Variants in METTL9 observed in about 807,000 individuals in gnomAD.
METTL9 encodes protein-L-histidine N-pros-methyltransferase.
A neutral mutation model predicts 36.0 loss-of-function variants in METTL9; 10 were observed. That is an observed-to-expected ratio of 0.28 (90% CI 0.17 to 0.47). The LOEUF is 0.47. Among genes scored for constraint, METTL9 ranks in the 20% least tolerant of loss-of-function variants. The pLI is 0.99. For synonymous variants in METTL9, 175 were observed against 149.7 expected (o/e 1.17, Z -1.23); for missense variants, 246 against 383.5 (o/e 0.64, Z 3.00).
At chr16:21,650,773 G>C (rs1437262605) in intron 4 of METTL9, among the ~76,000 whole-genome samples, 1 of 152,078 alleles carries the variant, frequency 6.6e-6, no homozygotes, top group African/African-American at 2.4e-5. Context: ...AAAAAGAGAA[G>C]TTTGGATATG....
chr16:21,650,783 G>A (rs1376589355), intron 4 of METTL9, among the ~76,000 whole-genome samples: 2 of 152,146 alleles, frequency 1.3e-5, no homozygotes, highest in Non-Finnish European at 2.9e-5. Flanking sequence ...GTTTGGATAT[G>A]TCACACCACA....
Position 21,599,822 on chromosome 16 carries a change from G to A in METTL9, c.89G>A (p.Arg30His), listed in dbSNP as rs1385349102. ...TGGACGCTGCGGAGCCCGCTCACCC[G>A]CTCCCTGTACGTGAACATGACTAGC... is the stretch of plus-strand genomic sequence containing the variant. ...RMWTLRSPLT[R>H]SLYVNMTSGP... The change falls in exon 1 of 5, where the codon CGC (arginine) becomes CAC (histidine). Residue 30 changes from arginine (R) to histidine (H), a missense_variant. Arg to His is a conservative substitution (Grantham distance 29). Transcript: ENST00000358154. The surrounding 1 kb of genome is among the most constrained non-coding windows in gnomAD (Gnocchi z 4.4). The A allele has an allele frequency of 2.6e-6, 4 of 1,543,368 alleles. No homozygotes were observed. The highest frequency in any genetic ancestry group is 1.2e-5 in the South Asian group (1 of 83,928).
intron 1 of METTL9, among the ~76,000 whole-genome samples, chr16:21,605,753 G>A (rs1019190261): frequency 2.6e-5 from 4 of 152,152 alleles, no homozygotes; most frequent in African/African-American, 9.7e-5. Context: ...ATTCTTACAT[G>A]TATTGTCATT....
At chr16:21,607,285 G>A (rs1355758069) in intron 1 of METTL9, among the ~76,000 whole-genome samples, 1 of 152,164 alleles carries the variant, frequency 6.6e-6, no homozygotes, top group African/African-American at 2.4e-5. Context: ...ATGTTGGCCA[G>A]GCTGGTCTTG....
chr16:21,640,272 G>C (rs778857819), intron 4 of METTL9: 2 of 152,000 alleles, frequency 1.3e-5, no homozygotes, highest in East Asian at 1.9e-4. Context: ...AACATAGTAG[G>C]TTGTAAGGTT....
intron 3 of METTL9, among the ~76,000 whole-genome samples, chr16:21,622,471 C>T (rs1429947863): frequency 6.6e-6 from 1 of 152,018 alleles, no homozygotes; most frequent in Non-Finnish European, 1.5e-5. Flanking sequence ...TATTTTACAT[C>T]CTTCTGGAAG....
At chr16:21,652,248 A>C (rs1328765264) in intron 4 of METTL9, 1 of 272,428 alleles carries the variant, frequency 3.7e-6, no homozygotes, top group African/African-American at 2.2e-5. Flanking sequence ...TAAATTATTG[A>C]TAACTTATAC....
chr16:21,649,699 C>T (rs1299921776), intron 4 of METTL9, among the ~76,000 whole-genome samples: 4 of 151,954 alleles, frequency 2.6e-5, no homozygotes, highest in African/African-American at 9.7e-5. Context: ...TGGACGATTC[C>T]ATTATTTACA....
chr16:21,630,810 A>G (rs1443150356), intron 4 of METTL9, among the ~76,000 whole-genome samples: 5 of 152,220 alleles, frequency 3.3e-5, no homozygotes, highest in Admixed American at 6.5e-5. Flanking sequence ...GAGTAACAGC[A>G]AGATGGCTGC....
chr16:21,648,621 C>T (rs959344879), intron 4 of METTL9, among the ~76,000 whole-genome samples: 1 of 152,188 alleles, frequency 6.6e-6, no homozygotes, highest in Non-Finnish European at 1.5e-5. Flanking sequence ...CCTTTATATC[C>T]CAGGCATGTG....
At chr16:21,621,469 G>A (rs1223241265) in intron 3 of METTL9, among the ~76,000 whole-genome samples, 2 of 152,092 alleles carry the variant, frequency 1.3e-5, no homozygotes, top group East Asian at 3.9e-4. Context: ...GGGATTACAG[G>A]CGCATGCCGC....
At chr16:21,604,029 T>G (rs919605663) in intron 1 of METTL9, among the ~76,000 whole-genome samples, 2 of 151,752 alleles carry the variant, frequency 1.3e-5, no homozygotes, top group African/African-American at 4.8e-5. Flanking sequence ...AAGGACAGAG[T>G]GTTTCCTGTC....
chr16:21,620,489 C>T (rs1220737082), intron 3 of METTL9, among the ~76,000 whole-genome samples: 1 of 152,150 alleles, frequency 6.6e-6, no homozygotes, highest in Non-Finnish European at 1.5e-5. Context: ...AGGTGTTAAA[C>T]CCATCTTCAG....
chr16:21,640,013 A>C (rs887021130), intron 4 of METTL9: 2 of 152,060 alleles, frequency 1.3e-5, no homozygotes, highest in African/African-American at 4.8e-5. Context: ...ATCTCAGCTC[A>C]CTGCAACCTC....
upstream of METTL9, among the ~76,000 whole-genome samples, chr16:21,599,311 C>G (rs1004444595): frequency 6.6e-6 from 1 of 152,194 alleles, no homozygotes; most frequent in Non-Finnish European, 1.5e-5. The surrounding 1 kb of genome is among the most constrained non-coding windows in gnomAD (Gnocchi z 4.4). Context: ...CGGAAGTGAT[C>G]TCCTCAGCCC....
intron 2 of METTL9, among the ~76,000 whole-genome samples, chr16:21,613,063 C>T (rs1330566197): frequency 2.0e-5 from 3 of 149,738 alleles, no homozygotes; most frequent in Non-Finnish European, 4.4e-5. Context: ...GCGGGAGTTA[C>T]TTACGGTAGT....
intron 2 of METTL9, 77 bp from the exon 3 acceptor site, chr16:21,617,788 A>G (rs1434020585): frequency 1.1e-5 from 14 of 1,255,748 alleles, no homozygotes; most frequent in East Asian, 4.6e-5. Context: ...CTGAGTCACT[A>G]TATTCACTTT....
At chr16:21,598,028 T>C (rs1486653315), upstream of METTL9, 1 of 152,162 alleles carries the variant, frequency 6.6e-6, no homozygotes, top group Non-Finnish European at 1.5e-5. Flanking sequence ...TAGCCAAAGG[T>C]GCCAAGCTGA....
intron 3 of METTL9, 84 bp downstream of exon 3, chr16:21,618,158 T>G (rs1336463025): frequency 2.8e-6 from 3 of 1,062,174 alleles, no homozygotes; most frequent in Admixed American, 5.7e-5. Flanking sequence ...CTTCCATGAT[T>G]AGAAATTTAA....
Sources: gnomAD v4.1 joint callset for allele counts (sites outside exome capture counted in the v4.1 genomes callset) on GRCh38, gnomAD v4.1.1 for gene constraint, Gnocchi (gnomAD v3.1) non-coding constraint, MANE v1.5 for transcripts, NCBI Gene and HGNC (gene_info 2026-07-23, HGNC 2026-07-21) for gene names.